Variants in NUP153 observed in about 807,000 individuals in gnomAD.
NUP153 encodes nucleoporin 153.
In NUP153, 27 loss-of-function variants were observed where a neutral mutation model predicts 134.6. The observed-to-expected ratio is 0.20, with a 90% CI of 0.15 to 0.28. NUP153 has a LOEUF of 0.28. Among genes scored for constraint, NUP153 ranks in the 10% least tolerant of loss-of-function variants. NUP153 has a pLI of 1.00. For synonymous variants in NUP153, 640 were observed against 623.5 expected, an observed-to-expected ratio of 1.03 and a Z score of -0.40; for missense variants, 1,821 against 1,731.3, an observed-to-expected ratio of 1.05 and a Z score of -0.92.
intron 1 of NUP153, among the ~76,000 whole-genome samples, chr6:17,695,423 T>C (rs2113858738): frequency 6.6e-6 from 1 of 152,324 alleles, no homozygotes; most frequent in Middle Eastern, 3.4e-3. Flanking sequence ...AAGGCCTTGG[T>C]ATACATAACC....
chr6:17,616,839 T>C, intron 20 of NUP153, 144 bp from the exon 21 acceptor site: 2 of 708,302 alleles, frequency 2.8e-6, no homozygotes, highest in Non-Finnish European at 4.6e-6. Flanking sequence ...AACCCTTGCC[T>C]CCTGGGTTCA....
chr6:17,695,601 A>G (rs763041659), intron 1 of NUP153, among the ~76,000 whole-genome samples: 10 of 152,226 alleles, frequency 6.6e-5, no homozygotes, highest in Non-Finnish European at 1.5e-4. Flanking sequence ...TTCCACCGTT[A>G]AAGACTTACA....
chr6:17,651,430 T>C (rs922886959), intron 11 of NUP153, among the ~76,000 whole-genome samples: 3 of 152,158 alleles, frequency 2.0e-5, no homozygotes, highest in African/African-American at 7.2e-5. Flanking sequence ...GGATGAATGA[T>C]AGCCCTCATT....
chr6:17,617,602 G>C (rs1764400655), intron 20 of NUP153, among the ~76,000 whole-genome samples: 1 of 152,062 alleles, frequency 6.6e-6, no homozygotes, highest in Admixed American at 6.6e-5. Context: ...TAGCACTTTG[G>C]GAGGCCAAGG....
chr6:17,628,560 A>G lies in NUP153; in HGVS notation c.3544+95T>C. ...TTCTCAACTATGTTCAGTGTAAACCATTAATTGACTTGCTGCATCTGTCAA... is the reference window on the plus strand; with the variant it reads ...TTCTCAACTATGTTCAGTGTAAACCGTTAATTGACTTGCTGCATCTGTCAA... On this transcript the variant is annotated intron_variant, in intron 18 of 21. Coordinates refer to ENST00000262077, the MANE Select transcript of NUP153 (RefSeq NM_005124.4). This position sits in a 1 kb window ranked among gnomAD's most constrained non-coding sequence, Gnocchi z 5.4. 1 of 590,046 alleles carries G rather than the reference A, an allele frequency of 1.7e-6. No individual in the cohort carries two copies. The allele number at this position is 590,046 out of a possible 1,614,324, so 36.6% of individuals were successfully genotyped here.
At chr6:17,705,054 A>C (rs1036339687) in intron 1 of NUP153, among the ~76,000 whole-genome samples, 1 of 152,160 alleles carries the variant, frequency 6.6e-6, no homozygotes, top group Admixed American at 6.5e-5. Context: ...AACGCGCCCG[A>C]CCCAAATCTT....
rs982418969 is a variant in NUP153 at position 17,681,739 on chromosome 6, A to C, written c.335-5969T>G. 5.3e-5 allele frequency among the ~76,000 whole-genome samples: 8 copies of C among 152,354 alleles called. No individual in the cohort carries two copies. The East Asian group carries it at 1.3e-3, about 26-fold the overall frequency. ...CATAGGTTGAAATGTTTCCCAGGGT[A>C]TCAAGTATTCCAATATTACTGTAGT... On this transcript the variant is annotated intron_variant, in intron 2 of 21. Transcript: ENST00000262077.
chr6:17,675,488 A>G lies in NUP153; in HGVS notation c.583+34T>C. The G allele has an allele frequency of 6.2e-7, 1 of 1,608,320 alleles. No homozygotes were observed. Among genetic ancestry groups the G allele is most frequent in the Non-Finnish European group, 8.5e-7 (1 of 1,176,884 alleles). On this transcript the variant is annotated intron_variant, in intron 3 of 21. Coordinates refer to ENST00000262077, the MANE Select transcript of NUP153 (RefSeq NM_005124.4). The surrounding 1 kb of genome is among the most constrained non-coding windows in gnomAD (Gnocchi z 4.4). ...AAAACCCATAAAATTTAATGTTACTACCCAAATTATGTACTACCACATGTC... is the reference window on the plus strand; with the variant it reads ...AAAACCCATAAAATTTAATGTTACTGCCCAAATTATGTACTACCACATGTC...
At chr6:17,660,350 T>C (rs898163206) in intron 11 of NUP153, among the ~76,000 whole-genome samples, 12 of 152,152 alleles carry the variant, frequency 7.9e-5, no homozygotes, top group African/African-American at 2.9e-4. Flanking sequence ...AAGGACTATG[T>C]ATCAAAACTC....
chr6:17,636,021 A>C (rs543468755), intron 16 of NUP153, among the ~76,000 whole-genome samples: 4 of 152,148 alleles, frequency 2.6e-5, no homozygotes, highest in Non-Finnish European at 5.9e-5. Context: ...ACCAGATGGG[A>C]AGACAAAAAT....
At position 17,665,301 on chromosome 6, in the gene NUP153, G is replaced by A; in HGVS notation, c.1153C>T (p.Pro385Ser). 2 of 1,612,740 alleles carry A rather than the reference G, an allele frequency of 1.2e-6. No individual in the cohort carries two copies. The highest frequency in any genetic ancestry group is 1.1e-5 in the South Asian group (1 of 91,062). ...IATNRSVYFK[P>S]SLTPSGEFRK... Reference sequence around the variant, plus strand: ...AATTCACCAGAAGGAGTCAGAGATGGTTTAAAATAAACACTTCGATTTGTT... The same window carrying A: ...AATTCACCAGAAGGAGTCAGAGATGATTTAAAATAAACACTTCGATTTGTT... Residue 385 changes from proline (P) to serine (S), a missense_variant, in exon 9 of 22, where the codon CCA becomes TCA. Coordinates refer to ENST00000262077, the MANE Select transcript of NUP153 (RefSeq NM_005124.4).
intron 17 of NUP153, among the ~76,000 whole-genome samples, chr6:17,629,951 TA>T (rs1188353174): frequency 1.3e-5 from 2 of 152,228 alleles, no homozygotes; most frequent in Non-Finnish European, 2.9e-5. Flanking sequence ...GAGTTTGTTT[TA>T]AAGATAAACT....
Position 17,637,184 on chromosome 6 carries a change from A to G in NUP153, c.2433T>C (p.Asn811=), listed in dbSNP as rs755480500. 5.7e-5 allele frequency: 92 copies of G among 1,613,658 alleles called. No individual in the cohort carries two copies. Among genetic ancestry groups the G allele is most frequent in the Non-Finnish European group, 7.4e-5 (87 of 1,179,582 alleles). ...VCCVSNNAED[N]KCVSCMSEKP... ...TCTCAGACATACAGGACACACACTT[A>G]TTGTCTTCTGCATTATTAGAAACAC... Residue 811 remains asparagine (N), a synonymous_variant, in exon 16 of 22, where the codon AAT becomes AAC. Transcript: ENST00000262077.
At chr6:17,654,697 T>C (rs1766707671) in intron 11 of NUP153, among the ~76,000 whole-genome samples, 1 of 152,160 alleles carries the variant, frequency 6.6e-6, no homozygotes, top group Non-Finnish European at 1.5e-5. Context: ...GTCCCACTAA[T>C]CTAAGAGGAA....
At chr6:17,683,713 C>T (rs1275532895) in intron 2 of NUP153, among the ~76,000 whole-genome samples, 1 of 151,054 alleles carries the variant, frequency 6.6e-6, no homozygotes, top group African/African-American at 2.4e-5. Context: ...TCACCAGTTG[C>T]ATTAACCCCT....
At chr6:17,624,437 C>G in intron 20 of NUP153, 124 bp downstream of exon 20, 1 of 899,374 alleles carries the variant, frequency 1.1e-6, no homozygotes, top group Middle Eastern at 2.2e-4. Flanking sequence ...TATTACCTCT[C>G]TATTCTGCCA....
intron 1 of NUP153, among the ~76,000 whole-genome samples, chr6:17,688,864 A>T (rs1203138984): frequency 6.6e-6 from 1 of 152,092 alleles, no homozygotes; most frequent in East Asian, 1.9e-4. Context: ...TCTAATCCTT[A>T]AAAAAACCCC....
chr6:17,627,943 T>C (rs1440754186), intron 18 of NUP153, among the ~76,000 whole-genome samples: 5 of 152,240 alleles, frequency 3.3e-5, no homozygotes, highest in Non-Finnish European at 5.9e-5. Context: ...ACTTCTTTGA[T>C]ATTTCCCCAA....
intron 5 of NUP153, among the ~76,000 whole-genome samples, chr6:17,673,073 A>C (rs971226280): frequency 1.3e-5 from 2 of 152,166 alleles, no homozygotes; most frequent in South Asian, 2.1e-4. Context: ...GATGTCATCA[A>C]AAGTAAAACT....
Sources: allele counts gnomAD v4.1 joint callset (sites outside exome capture counted in the v4.1 genomes callset), GRCh38; gene constraint gnomAD v4.1.1; non-coding constraint Gnocchi (gnomAD v3.1); transcripts MANE v1.5; gene names NCBI Gene and HGNC (gene_info 2026-07-23, HGNC 2026-07-21).